LMX1A: variants seen among roughly 807,000 people sequenced by gnomAD.
The protein encoded by LMX1A is LIM homeobox transcription factor 1-alpha.
Under a neutral mutation model 49.1 loss-of-function variants are expected in LMX1A, and 15 were observed. The ratio of observed to expected loss-of-function variants is 0.31; its 90% CI spans 0.20 to 0.47. The LOEUF is 0.47. LMX1A is among the 20% of genes least tolerant of loss of function. The probability of loss-of-function intolerance (pLI) is 1.00; values close to 1 mark genes in which losing one functional copy is unlikely to be tolerated. For missense variants in LMX1A, 372 were observed against 475.8 expected (o/e 0.78, Z 2.03); for synonymous variants, 167 against 185.7 (o/e 0.90, Z 0.82).
chr1:165,237,960 G>A (rs918099792), intron 4 of LMX1A, among the ~76,000 whole-genome samples: 5 of 152,170 alleles, frequency 3.3e-5, no homozygotes, highest in Non-Finnish European at 7.4e-5. Context: ...ACAATAGAAA[G>A]TGAGTCCCTG....
intron 3 of LMX1A, among the ~76,000 whole-genome samples, chr1:165,330,974 A>G (rs1280544979): frequency 2.6e-5 from 4 of 152,266 alleles, no homozygotes; most frequent in Non-Finnish European, 5.9e-5. Flanking sequence ...CACAGGGAAG[A>G]AAGAGTTTGC....
At chr1:165,212,489 G>C (rs539915193) in intron 5 of LMX1A, among the ~76,000 whole-genome samples, 36 of 141,754 alleles carry the variant, frequency 2.5e-4, no homozygotes, top group African/African-American at 9.0e-4. Context: ...ATACATGTTT[G>C]TTGGGAACCA....
At chr1:165,262,772 T>C (rs1461848144) in intron 3 of LMX1A, among the ~76,000 whole-genome samples, 2 of 152,222 alleles carry the variant, frequency 1.3e-5, no homozygotes, top group African/African-American at 4.8e-5. Context: ...CTCTCTTGAT[T>C]CCATTTCCTC....
chr1:165,225,563 G>T (rs1299648344), intron 4 of LMX1A, among the ~76,000 whole-genome samples: 1 of 152,178 alleles, frequency 6.6e-6, no homozygotes, highest in Non-Finnish European at 1.5e-5. Flanking sequence ...AGAGTTTATT[G>T]TTGAAATAGG....
chr1:165,238,428 C>A (rs1184665211), intron 4 of LMX1A, among the ~76,000 whole-genome samples: 1 of 152,158 alleles, frequency 6.6e-6, no homozygotes, highest in Non-Finnish European at 1.5e-5. Context: ...AGTAATAGTA[C>A]CTTACGTGCA....
intron 5 of LMX1A, chr1:165,213,228 A>T (rs1441904438): frequency 6.1e-6 from 1 of 163,986 alleles, no homozygotes; most frequent in Non-Finnish European, 1.3e-5. Flanking sequence ...GAATGCTGAA[A>T]TAGGAATGAA....
intron 4 of LMX1A, among the ~76,000 whole-genome samples, chr1:165,243,304 A>G (rs1169734583): frequency 1.3e-5 from 2 of 152,236 alleles, no homozygotes; most frequent in Non-Finnish European, 2.9e-5. Context: ...TAGATAAGTA[A>G]GAAATGCAAC....
intron 3 of LMX1A, among the ~76,000 whole-genome samples, chr1:165,352,041 C>T (rs1329450877): frequency 1.3e-5 from 2 of 152,230 alleles, no homozygotes; most frequent in African/African-American, 2.4e-5. Context: ...AAACAGAGAC[C>T]TCTGGATCAG....
At chr1:165,256,288 C>G (rs16841725) in intron 3 of LMX1A, among the ~76,000 whole-genome samples, 1,669 of 152,282 alleles carry the variant, frequency 0.011, 36 homozygotes, top group African/African-American at 0.038. Context: ...CTCAAAAGTG[C>G]TGCCTTTTCC....
chr1:165,294,989 A>C (rs1254079118), intron 3 of LMX1A, among the ~76,000 whole-genome samples: 1 of 152,172 alleles, frequency 6.6e-6, no homozygotes, highest in Non-Finnish European at 1.5e-5. Flanking sequence ...TCACACGCAC[A>C]TAACATTTGC....
At chr1:165,270,239 C>A (rs911284960) in intron 3 of LMX1A, among the ~76,000 whole-genome samples, 3 of 152,128 alleles carry the variant, frequency 2.0e-5, no homozygotes, top group African/African-American at 7.2e-5. Flanking sequence ...CCTGGCATGG[C>A]TCTGTCCTCT....
chr1:165,350,400 G>A (rs543846291), intron 3 of LMX1A, among the ~76,000 whole-genome samples: 47 of 152,138 alleles, frequency 3.1e-4, no homozygotes, highest in Non-Finnish European at 5.9e-4. Flanking sequence ...CAACACAGAT[G>A]CAAAAAGTGT....
chr1:165,238,992 A>T lies in LMX1A; in HGVS notation c.496+10416T>A, dbSNP rs1652548104. On this transcript the variant is annotated intron_variant, in intron 4 of 8. Transcript: ENST00000342310. ...CTTGGTGTGCAGAATAATTCATGTA[A>T]AATGCATAATTTAAAGTAATGCTTT... 2.0e-5 allele frequency among the ~76,000 whole-genome samples: 3 copies of T among 152,346 alleles called. No individual in the cohort carries two copies. In the East Asian group the frequency reaches 5.8e-4, roughly 29 times the overall value.
At chr1:165,296,222 C>T (rs1654610982) in intron 3 of LMX1A, among the ~76,000 whole-genome samples, 1 of 152,184 alleles carries the variant, frequency 6.6e-6, no homozygotes, top group African/African-American at 2.4e-5. Flanking sequence ...GTCTCAGATA[C>T]AGCAAAATCT....
intron 3 of LMX1A, among the ~76,000 whole-genome samples, chr1:165,311,792 G>C (rs759378375): frequency 2.0e-5 from 3 of 152,220 alleles, no homozygotes; most frequent in Admixed American, 6.5e-5. Context: ...TTTGAAGGAT[G>C]ATGGGGCAAA....
Position 165,355,933 on chromosome 1 carries a change from G to T in LMX1A, c.-22-352C>A, listed in dbSNP as rs2101778951. On this transcript the variant is annotated intron_variant, in intron 1 of 8. Coordinates refer to ENST00000342310, the MANE Select transcript of LMX1A (RefSeq NM_177398.4). This position sits in a 1 kb window ranked among gnomAD's most constrained non-coding sequence, Gnocchi z 4.7. ...CTATACGAAGGTGGGCCCTCGGGACGTCTCTGCAGGAACGCAGCTACTGGG... is the reference window on the plus strand; with the variant it reads ...CTATACGAAGGTGGGCCCTCGGGACTTCTCTGCAGGAACGCAGCTACTGGG... The T allele has an allele frequency of 3.8e-6, 1 of 264,594 alleles. No homozygotes were observed. The highest frequency in any genetic ancestry group is 2.2e-5 in the African/African-American group (1 of 45,500). The allele number at this position is 264,594 out of a possible 1,614,324, so 16.4% of individuals were successfully genotyped here.
intron 3 of LMX1A, among the ~76,000 whole-genome samples, chr1:165,326,282 A>G (rs989636828): frequency 6.6e-6 from 1 of 152,142 alleles, no homozygotes; most frequent in African/African-American, 2.4e-5. Flanking sequence ...TTTCCATATG[A>G]TGGCTTCTGA....
intron 3 of LMX1A, among the ~76,000 whole-genome samples, chr1:165,264,314 C>T (rs990873245): frequency 6.6e-6 from 1 of 152,086 alleles, no homozygotes; most frequent in African/African-American, 2.4e-5. Context: ...GAGGGACAGA[C>T]ATGAGTAGCT....
intron 4 of LMX1A, among the ~76,000 whole-genome samples, chr1:165,234,345 T>C (rs778461025): frequency 1.3e-5 from 2 of 152,162 alleles, no homozygotes; most frequent in Non-Finnish European, 2.9e-5. Context: ...TTGTGAAACC[T>C]TTTCTAAATA....
Sources: allele counts gnomAD v4.1 joint callset (sites outside exome capture counted in the v4.1 genomes callset), GRCh38; gene constraint gnomAD v4.1.1; non-coding constraint Gnocchi (gnomAD v3.1); transcripts MANE v1.5; gene names NCBI Gene and HGNC (gene_info 2026-07-23, HGNC 2026-07-21).